The following TTC6 variants were observed in gnomAD, a reference collection of about 807,000 sequenced individuals.
TTC6 encodes the protein tetratricopeptide repeat protein 6.
Under a neutral mutation model 210.4 loss-of-function variants are expected in TTC6, and 172 were observed. The observed-to-expected ratio is 0.82, with a 90% CI of 0.72 to 0.93. TTC6 has a LOEUF of 0.93. TTC6 is among the 40% of genes least tolerant of loss of function. The probability of loss-of-function intolerance (pLI) is 0.00; values close to 1 mark genes in which losing one functional copy is unlikely to be tolerated. For synonymous variants in TTC6, 804 were observed against 819.6 expected, an observed-to-expected ratio of 0.98 and a Z score of 0.32; for missense variants, 2,414 against 2,318.1, an observed-to-expected ratio of 1.04 and a Z score of -0.85.
At chr14:37,794,430 G>C (rs1475671253) in intron 17 of TTC6, among the ~76,000 whole-genome samples, 2 of 152,000 alleles carry the variant, frequency 1.3e-5, no homozygotes, top group African/African-American at 4.8e-5. Context: ...TAAAAGGATT[G>C]GTTGGTTGTC....
At chr14:37,784,167 T>G (rs2096062130) in intron 14 of TTC6, among the ~76,000 whole-genome samples, 2 of 151,730 alleles carry the variant, frequency 1.3e-5, no homozygotes, top group South Asian at 2.1e-4. Flanking sequence ...CAGAGCTGAG[T>G]TCAATTCTTG....
intron 29 of TTC6, among the ~76,000 whole-genome samples, chr14:37,835,014 A>C (rs568671887): frequency 6.6e-6 from 1 of 152,276 alleles, no homozygotes; most frequent in South Asian, 2.1e-4. Flanking sequence ...ACTGTGGTGA[A>C]GCTTTGCTGG....
At chr14:37,604,836 AG>A (rs1391395486) in intron 1 of TTC6, among the ~76,000 whole-genome samples, 1 of 152,206 alleles carries the variant, frequency 6.6e-6, no homozygotes, top group Non-Finnish European at 1.5e-5. Flanking sequence ...ATGGACAGTA[AG>A]GACCACTTAT....
exon 31 of TTC6, chr14:37,842,367 G>T (rs1404065227): frequency 3.1e-6 from 4 of 1,308,580 alleles, no homozygotes; most frequent in South Asian, 2.3e-5. Context: ...TTGTCTAAAA[G>T]GTTCTACCAT....
intron 14 of TTC6, among the ~76,000 whole-genome samples, chr14:37,769,781 G>T (rs1348924081): frequency 1.3e-5 from 2 of 151,914 alleles, no homozygotes; most frequent in Admixed American, 6.6e-5. Flanking sequence ...TTTTTGAATG[G>T]TTTTTTGTGT....
chr14:37,740,746 C>T (rs1029365237), intron 10 of TTC6, among the ~76,000 whole-genome samples: 3 of 152,076 alleles, frequency 2.0e-5, no homozygotes, highest in Admixed American at 6.5e-5. Flanking sequence ...TAGGAGACTG[C>T]AAGTAGGTTT....
chr14:37,675,369 C>T (rs1225093876), intron 1 of TTC6, among the ~76,000 whole-genome samples: 1 of 152,102 alleles, frequency 6.6e-6, no homozygotes, highest in Non-Finnish European at 1.5e-5. Flanking sequence ...GTAATGTTTT[C>T]AAGATTCATC....
chr14:37,678,398 G>T (rs2095775066), intron 1 of TTC6, among the ~76,000 whole-genome samples: 2 of 152,034 alleles, frequency 1.3e-5, no homozygotes. Flanking sequence ...TTCTTCCCTG[G>T]CAGGGTTTCT....
chr14:37,792,552 G>A (rs1957584), intron 17 of TTC6, 138 bp downstream of exon 19: 449,964 of 581,082 alleles, frequency 0.77, 179,182 homozygotes, highest in Non-Finnish European at 0.83. Context: ...TGTTAAGCTG[G>A]TAGTTAACTC....
chr14:37,749,979 T>G, intron 12 of TTC6, 136 bp downstream of exon 14: 1 of 513,558 alleles, frequency 1.9e-6, no homozygotes, highest in Non-Finnish European at 2.9e-6. Flanking sequence ...TTTTTTACTC[T>G]TGTTATTGTA....
Position 37,796,743 on chromosome 14 carries a change from T to A in TTC6, c.3869-44T>A. On this transcript the variant is annotated intron_variant, in intron 19 of 30. Coordinates refer to ENST00000553443, the Ensembl canonical transcript of TTC6. The stretch of plus-strand genomic sequence containing the variant: ...CTTAGAATAATTATATTCAAAATCA[T>A]TGATACTTGGCAAAGATATTGATAA... 1.9e-6 allele frequency: 3 copies of A among 1,556,488 alleles called. No individual in the cohort carries two copies. The East Asian group carries it at 6.9e-5, about 36-fold the overall frequency.
chr14:37,748,542 C>T (rs2095942709), intron 10 of TTC6, among the ~76,000 whole-genome samples: 1 of 152,116 alleles, frequency 6.6e-6, no homozygotes, highest in African/African-American at 2.4e-5. Context: ...CAACTCCTGC[C>T]TTCTTCCCAC....
intron 1 of TTC6, among the ~76,000 whole-genome samples, chr14:37,636,573 T>TAA (rs35292936): frequency 1.3e-5 from 2 of 150,922 alleles, no homozygotes; most frequent in Non-Finnish European, 3.0e-5. Context: ...AGCTGCTTTG[T>TAA]AAAAAAAAAG....
chr14:37,644,049 G>A (rs189677439), intron 1 of TTC6, among the ~76,000 whole-genome samples: 5 of 152,238 alleles, frequency 3.3e-5, no homozygotes, highest in East Asian at 1.9e-4. Flanking sequence ...CTTTGAAAAC[G>A]TTAAATGGAA....
chr14:37,727,903 T>C (rs1015342099), intron 7 of TTC6, among the ~76,000 whole-genome samples: 6 of 152,230 alleles, frequency 3.9e-5, no homozygotes, highest in Non-Finnish European at 7.3e-5. Flanking sequence ...GATATTTGCT[T>C]TGGGTTGTGC....
intron 14 of TTC6, among the ~76,000 whole-genome samples, chr14:37,774,964 G>A (rs575495310): frequency 2.0e-5 from 3 of 152,188 alleles, no homozygotes; most frequent in African/African-American, 7.2e-5. Context: ...TCAATTTTGG[G>A]AGGGTATATG....
intron 1 of TTC6, among the ~76,000 whole-genome samples, chr14:37,653,145 C>G (rs1479613069): frequency 6.6e-6 from 1 of 152,222 alleles, no homozygotes; most frequent in African/African-American, 2.4e-5. Context: ...GCCCTCTGGG[C>G]TTGCTACTTA....
At chr14:37,724,857 T>C in intron 6 of TTC6, 41 bp from the exon 9 acceptor site, 1 of 1,248,146 alleles carries the variant, frequency 8.0e-7, no homozygotes, top group Non-Finnish European at 1.1e-6. Flanking sequence ...CTCAAGGCCA[T>C]TTCTTACCAT....
chr14:37,761,589 A>G (rs577836038), intron 14 of TTC6, among the ~76,000 whole-genome samples: 8 of 152,186 alleles, frequency 5.3e-5, no homozygotes, highest in African/African-American at 1.2e-4. Flanking sequence ...CCAACAATCT[A>G]GAAACCCCCT....
Sources: allele counts gnomAD v4.1 joint callset (sites outside exome capture counted in the v4.1 genomes callset), GRCh38; gene constraint gnomAD v4.1.1; transcripts MANE v1.5; gene names NCBI Gene and HGNC (gene_info 2026-07-23, HGNC 2026-07-21).